Variants in DNAH11 observed in about 807,000 individuals in gnomAD.
The protein encoded by DNAH11 is dynein axonemal heavy chain 11, also known as axonemal beta dynein heavy chain 11.
DNAH11 carries 442 observed loss-of-function variants against 526.0 expected under a neutral mutation model. That is an observed-to-expected ratio of 0.84 (90% CI 0.78 to 0.91). The LOEUF is 0.91. Ranked by LOEUF, DNAH11 falls within the 40% of genes least tolerant of loss-of-function variation. The pLI is 0.00. For synonymous variants in DNAH11, 2,461 were observed against 1,935.9 expected (o/e 1.27, Z -7.12); for missense variants, 6,989 against 5,448.7 (o/e 1.28, Z -8.90).
intron 68 of DNAH11, among the ~76,000 whole-genome samples, chr7:21,860,857 C>G (rs769295006): frequency 2.0e-5 from 3 of 152,168 alleles, no homozygotes; most frequent in African/African-American, 4.8e-5. Flanking sequence ...GCGAAAGGCA[C>G]TTCTTACATG....
intron 28 of DNAH11, among the ~76,000 whole-genome samples, chr7:21,654,510 C>A (rs940936464): frequency 6.6e-6 from 1 of 152,062 alleles, no homozygotes; most frequent in Non-Finnish European, 1.5e-5. Flanking sequence ...AGGTTGTTTC[C>A]GCCTTTTGGC....
intron 54 of DNAH11, among the ~76,000 whole-genome samples, chr7:21,763,168 C>T (rs1399926860): frequency 1.3e-5 from 2 of 151,536 alleles, no homozygotes; most frequent in Admixed American, 6.6e-5. Flanking sequence ...ATAGTAAAAC[C>T]CTGTCTCTAC....
Position 21,584,233 on chromosome 7 carries a change from G to A in DNAH11, c.1710+2212G>A, listed in dbSNP as rs537682580. On this transcript the variant is annotated intron_variant, in intron 9 of 81. Coordinates refer to ENST00000409508, the MANE Select transcript of DNAH11 (RefSeq NM_001277115.2). ...GAAAATGTGGCACATGTACACCATG[G>A]AATACTATGCAGCCATAAAGAAGAA... Among the ~76,000 whole-genome samples, 5 of 152,302 alleles carry A rather than the reference G, an allele frequency of 3.3e-5. 1 individual carries two copies. In the South Asian group the frequency reaches 1.0e-3, roughly 32 times the overall value.
chr7:21,658,837 GA>G lies in DNAH11; in HGVS notation c.5137del (p.Thr1713ArgfsTer6). ...WLLQLEQTMQ[E>X]TVRHSITEAI... is the part of the protein sequence containing the mutation. ...TCTGCAACTTGAACAGACTATGCAA[GA>G]AACGGTGCGTCATTCTATAACAGAA... On this transcript the variant is annotated frameshift_variant, in exon 30 of 82. Transcript: ENST00000409508. LOFTEE classifies it high-confidence loss of function. 1.2e-6 allele frequency: 2 copies of G among 1,600,876 alleles called. No homozygotes were observed. Among genetic ancestry groups the G allele is most frequent in the Non-Finnish European group, 1.7e-6 (2 of 1,173,682 alleles).
At position 21,581,943 on chromosome 7, in the gene DNAH11, T is replaced by C; in HGVS notation, c.1632T>C (p.Thr544=). The part of the protein sequence containing the change: ...ESDYVAFKSK[T]LEFDRRLGTI... Reference sequence around the variant, plus strand: ...ATTATGTGGCATTTAAGTCCAAAACTCTGGAATTTGACAGAAGGCTTGGGA... The same window carrying C: ...ATTATGTGGCATTTAAGTCCAAAACCCTGGAATTTGACAGAAGGCTTGGGA... The change falls in exon 9 of 82, where the codon ACT becomes ACC. Residue 544 remains threonine, a synonymous_variant. Transcript: ENST00000409508. 1 of 1,613,080 alleles carries C rather than the reference T, an allele frequency of 6.2e-7. No individual in the cohort carries two copies. The highest frequency in any genetic ancestry group is 8.5e-7 in the Non-Finnish European group (1 of 1,179,352).
intron 8 of DNAH11, among the ~76,000 whole-genome samples, chr7:21,579,757 G>T (rs1372270573): frequency 6.6e-6 from 1 of 152,216 alleles, no homozygotes; most frequent in Non-Finnish European, 1.5e-5. Context: ...TTCTAAATAA[G>T]AAAGTGACAT....
In DNAH11 at chr7:21,564,167, G is replaced by T; in HGVS notation, c.983-19G>T. ...AAAAACAAACCAGAATCACGTTAAT[G>T]GTGGTTCTTTGCTTTCAGCTCTTCT... On this transcript the variant is annotated intron_variant, in intron 5 of 81. Transcript: ENST00000409508. The T allele has an allele frequency of 6.7e-7, 1 of 1,501,890 alleles. No individual in the cohort carries two copies. The highest frequency in any genetic ancestry group is 9.0e-7 in the Non-Finnish European group (1 of 1,115,118). 93.0% of individuals were successfully genotyped at this position (1,501,890 alleles called of 1,614,324 possible). A position where few individuals can be genotyped will look rare whatever the true frequency, so the allele number is the denominator to read the frequency against.
intron 46 of DNAH11, among the ~76,000 whole-genome samples, chr7:21,737,014 A>G (rs1785643029): frequency 1.3e-5 from 2 of 152,228 alleles, no homozygotes; most frequent in Non-Finnish European, 1.5e-5. Context: ...GCATCTTGCT[A>G]TTTCCTAAAA....
intron 35 of DNAH11, among the ~76,000 whole-genome samples, chr7:21,692,687 T>A (rs572736122): frequency 7.4e-4 from 113 of 152,332 alleles, no homozygotes; most frequent in African/African-American, 2.6e-3. Flanking sequence ...GACAGATATC[T>A]ATGGCTGGAA....
chr7:21,717,519 A>G (rs897371855), intron 42 of DNAH11, among the ~76,000 whole-genome samples: 2 of 152,102 alleles, frequency 1.3e-5, no homozygotes, highest in African/African-American at 4.8e-5. Flanking sequence ...TGGTCTACTT[A>G]TATTCCATTA....
At chr7:21,755,197 G>A (rs527641272) in intron 54 of DNAH11, among the ~76,000 whole-genome samples, 1 of 152,140 alleles carries the variant, frequency 6.6e-6, no homozygotes, top group African/African-American at 2.4e-5. Flanking sequence ...AATGCCAGAG[G>A]GCAGTTCCCA....
At chr7:21,758,929 ACAGAGCAGCGCTGAT>A (rs1786760151) in intron 54 of DNAH11, among the ~76,000 whole-genome samples, 1 of 152,226 alleles carries the variant, frequency 6.6e-6, no homozygotes, top group Non-Finnish European at 1.5e-5. Context: ...ATCTACTCTA[ACAGAGCAGCGCTGAT>A]CAGAAGCCAG....
chr7:21,601,234 C>G (rs1785071756), intron 17 of DNAH11, 55 bp downstream of exon 17: 4 of 1,537,444 alleles, frequency 2.6e-6, no homozygotes, highest in African/African-American at 1.4e-5. Flanking sequence ...CTTTCTAAAA[C>G]TGAGATGTTA....
intron 65 of DNAH11, among the ~76,000 whole-genome samples, chr7:21,837,063 AATGGAT>A (rs1782023618): frequency 6.6e-6 from 1 of 150,742 alleles, no homozygotes; most frequent in Admixed American, 6.8e-5. Flanking sequence ...CCCCAATTAG[AATGGAT>A]ATTATCAAAA....
At chr7:21,590,858 A>G in intron 12 of DNAH11, 60 bp from the exon 13 acceptor site, 1 of 1,027,038 alleles carries the variant, frequency 9.7e-7, no homozygotes, top group Non-Finnish European at 1.3e-6. Context: ...GTTAAACTTG[A>G]GTTAAAATAG....
intron 73 of DNAH11, among the ~76,000 whole-genome samples, chr7:21,870,910 C>T (rs1783470370): frequency 6.6e-6 from 1 of 152,182 alleles, no homozygotes; most frequent in South Asian, 2.1e-4. Flanking sequence ...GGCTTTGGGC[C>T]ATCCCAGTGT....
chr7:21,589,330 A>G lies in DNAH11; in HGVS notation c.2096A>G (p.Glu699Gly). 1 of 1,610,442 alleles carries G rather than the reference A, an allele frequency of 6.2e-7. No individual in the cohort carries two copies. Among genetic ancestry groups the G allele is most frequent in the Non-Finnish European group, 8.5e-7 (1 of 1,178,574 alleles). ...EWKSNVDEIC[E>G]FNLNQPLVKF... ...AAAAGTAATGTGGATGAAATCTGTG[A>G]ATTCAATTTGAATCAACCCTTGGTT... is the stretch of plus-strand genomic sequence containing the variant. Residue 699 changes from glutamate to glycine, a missense_variant, in exon 12 of 82, where the codon GAA (glutamate) becomes GGA (glycine). Physicochemically the swap from Glu to Gly is moderately conservative, Grantham distance 98 (BLOSUM62 -2). Transcript: ENST00000409508.
chr7:21,714,039 C>G (rs28529121), intron 42 of DNAH11, among the ~76,000 whole-genome samples: 1,805 of 152,274 alleles, frequency 0.012, 32 homozygotes, highest in African/African-American at 0.041. Flanking sequence ...CCTCTTACCC[C>G]TCCTGGGTGT....
At chr7:21,881,982 A>C (rs192945240) in intron 75 of DNAH11, among the ~76,000 whole-genome samples, 1 of 152,224 alleles carries the variant, frequency 6.6e-6, no homozygotes, top group African/African-American at 2.4e-5. Flanking sequence ...TGACCATTCT[A>C]TTAAATAGTA....
Sources: allele counts gnomAD v4.1 joint callset (sites outside exome capture counted in the v4.1 genomes callset), GRCh38; gene constraint gnomAD v4.1.1; transcripts MANE v1.5; gene names NCBI Gene and HGNC (gene_info 2026-07-23, HGNC 2026-07-21).